ADAMTS18: variants seen among roughly 807,000 people sequenced by gnomAD.
ADAMTS18 encodes the protein ADAM metallopeptidase with thrombospondin type 1 motif 18.
Under a neutral mutation model 165.9 loss-of-function variants are expected in ADAMTS18, and 157 were observed. That is an observed-to-expected ratio of 0.95 (90% CI 0.83 to 1.08). The LOEUF (loss-of-function observed/expected upper bound fraction) is 1.08. Ranked by LOEUF, ADAMTS18 falls within the 50% of genes least tolerant of loss-of-function variation. The pLI, the probability that ADAMTS18 is intolerant of heterozygous loss-of-function variation, is 0.00. For synonymous variants in ADAMTS18, 782 were observed against 578.2 expected (o/e 1.35, Z -5.06); for missense variants, 2,040 against 1,534.0 (o/e 1.33, Z -5.51).
intron 14 of ADAMTS18, 125 bp downstream of exon 14, chr16:77,322,211 C>T (rs935563279): frequency 1.0e-6 from 1 of 956,764 alleles, no homozygotes; most frequent in Non-Finnish European, 1.6e-6. Context: ...AAACACTTTG[C>T]TCTTTCGCTC....
At chr16:77,417,328 G>C (rs2057543456) in intron 3 of ADAMTS18, among the ~76,000 whole-genome samples, 2 of 152,024 alleles carry the variant, frequency 1.3e-5, no homozygotes, top group African/African-American at 2.4e-5. Context: ...ATGGAAGAAG[G>C]CATAGAGGGA....
intron 3 of ADAMTS18, among the ~76,000 whole-genome samples, chr16:77,372,348 C>G (rs1324789611): frequency 6.6e-6 from 1 of 152,114 alleles, no homozygotes; most frequent in Non-Finnish European, 1.5e-5. Flanking sequence ...TCACAATAGC[C>G]AAGACACAGA....
At chr16:77,355,724 G>T (rs1259423291) in intron 9 of ADAMTS18, among the ~76,000 whole-genome samples, 1 of 152,158 alleles carries the variant, frequency 6.6e-6, no homozygotes, top group Non-Finnish European at 1.5e-5. Flanking sequence ...AGGATTGAAG[G>T]AGGAAATATG....
Position 77,429,599 on chromosome 16 carries a change from A to G in ADAMTS18, c.495+1696T>C, listed in dbSNP as rs2057714505. 2.0e-5 allele frequency among the ~76,000 whole-genome samples: 3 copies of G among 152,204 alleles called. No individual in the cohort carries two copies. In the South Asian group the frequency reaches 6.2e-4, roughly 32 times the overall value. Reference sequence around the variant, plus strand: ...CTGAACCTAAAAGTTTTAAAAAAAAATGGATAAAAACATCATGAAATCTTC... The same window carrying G: ...CTGAACCTAAAAGTTTTAAAAAAAAGTGGATAAAAACATCATGAAATCTTC... On this transcript the variant is annotated intron_variant, in intron 3 of 22. Transcript: ENST00000282849.
chr16:77,393,495 G>C (rs1233260121), intron 3 of ADAMTS18, among the ~76,000 whole-genome samples: 1 of 152,164 alleles, frequency 6.6e-6, no homozygotes, highest in Non-Finnish European at 1.5e-5. Context: ...CAATCACCAA[G>C]ATGATGGTCT....
Position 77,289,266 on chromosome 16 carries a change from C to T in ADAMTS18, c.3548G>A (p.Arg1183Lys), listed in dbSNP as rs547649507. 1.2e-6 allele frequency: 2 copies of T among 1,614,042 alleles called. No individual in the cohort carries two copies. Among genetic ancestry groups the T allele is most frequent in the Non-Finnish European group, 1.7e-6 (2 of 1,180,004 alleles). ...ACTGGAGCATGGTGCCTTTTTACCTCTCTTTTCAGGAGCTGGACAGAAGTT... is the reference window on the plus strand; with the variant it reads ...ACTGGAGCATGGTGCCTTTTTACCTTTCTTTTCAGGAGCTGGACAGAAGTT... Reference protein sequence around the residue: ...NTNFCPAPEKREDPSCVDFFN... With the variant: ...NTNFCPAPEKKEDPSCVDFFN... The change falls in exon 22 of 23, where the codon AGA (arginine) becomes AAA (lysine). Residue 1183 changes from arginine (R) to lysine (K), a missense_variant and splice_region_variant. By Grantham distance (26) the Arg-to-Lys change is conservative. Transcript: ENST00000282849.
chr16:77,329,454 G>T (rs893334065), intron 12 of ADAMTS18, among the ~76,000 whole-genome samples: 3 of 152,226 alleles, frequency 2.0e-5, no homozygotes, highest in African/African-American at 7.2e-5. Context: ...TTAAATTTAG[G>T]TGATCTTATT....
intron 3 of ADAMTS18, among the ~76,000 whole-genome samples, chr16:77,368,442 T>C (rs1344251777): frequency 1.3e-5 from 2 of 151,328 alleles, no homozygotes; most frequent in Non-Finnish European, 3.0e-5. Context: ...TTTTTCTTTT[T>C]TTTTTTTTTT....
chr16:77,388,262 G>A (rs1205947106), intron 3 of ADAMTS18, among the ~76,000 whole-genome samples: 1 of 152,124 alleles, frequency 6.6e-6, no homozygotes, highest in East Asian at 1.9e-4. Context: ...ACTGTGCCCA[G>A]CTAATTTTTG....
chr16:77,428,558 T>G (rs2057701521), intron 3 of ADAMTS18, among the ~76,000 whole-genome samples: 1 of 152,162 alleles, frequency 6.6e-6, no homozygotes, highest in African/African-American at 2.4e-5. Flanking sequence ...CAACTGGAAC[T>G]CTCATACACT....
chr16:77,354,688 C>G (rs2056602941), intron 9 of ADAMTS18, among the ~76,000 whole-genome samples: 2 of 152,142 alleles, frequency 1.3e-5, no homozygotes, highest in Admixed American at 1.3e-4. Flanking sequence ...CAATGACTCT[C>G]ATAAAGGTTG....
chr16:77,290,213 A>G (rs549420284), intron 21 of ADAMTS18, among the ~76,000 whole-genome samples: 2 of 152,310 alleles, frequency 1.3e-5, no homozygotes, highest in East Asian at 3.9e-4. Context: ...GGGAAGATAG[A>G]TAGTAAATAT....
chr16:77,283,909 T>C lies in ADAMTS18; in HGVS notation c.*47A>G, dbSNP rs544101147. 1.4e-6 allele frequency: 2 copies of C among 1,452,994 alleles called. No homozygotes were observed. The highest frequency in any genetic ancestry group is 1.4e-5 in the African/African-American group (1 of 71,594). 90.0% of individuals were successfully genotyped at this position (1,452,994 alleles called of 1,614,324 possible). ...CAAAGGCAGCTGGTCTCTCTAGAGG[T>C]TGAAAGGTAAGCCCCTGGCCCTAAG... On this transcript the variant is annotated 3_prime_UTR_variant, in exon 23 of 23. Transcript: ENST00000282849.
intron 3 of ADAMTS18, among the ~76,000 whole-genome samples, chr16:77,392,922 A>C (rs1234209504): frequency 6.6e-6 from 1 of 152,190 alleles, no homozygotes; most frequent in Non-Finnish European, 1.5e-5. Context: ...GTGGGCTGGC[A>C]GAGGGAACTT....
chr16:77,411,573 G>C (rs1470504800), intron 3 of ADAMTS18, among the ~76,000 whole-genome samples: 1 of 151,818 alleles, frequency 6.6e-6, no homozygotes, highest in Non-Finnish European at 1.5e-5. Context: ...CACAATTGGA[G>C]TGTGTTATGA....
At position 77,335,908 on chromosome 16, in the gene ADAMTS18, T is replaced by G. The variant is rs764445082; in HGVS notation, c.1711-4A>C. The stretch of plus-strand genomic sequence containing the variant: ...CGCACTGGCCTTGCCGACACCACTG[T>G]GAAAAGAACGTGTAAGATGGTTCCC... On this transcript the variant is annotated splice_region_variant and splice_polypyrimidine_tract_variant and intron_variant, in intron 11 of 22. Transcript: ENST00000282849. 1.9e-6 allele frequency: 3 copies of G among 1,614,114 alleles called. No individual in the cohort carries two copies. The highest frequency in any genetic ancestry group is 2.5e-6 in the Non-Finnish European group (3 of 1,180,014).
Position 77,434,820 on chromosome 16 carries a change from G to T in ADAMTS18, c.-125C>A. 1 of 770,824 alleles carries T rather than the reference G, an allele frequency of 1.3e-6. No individual in the cohort carries two copies. Among genetic ancestry groups the T allele is most frequent in the South Asian group, 3.7e-5 (1 of 26,984 alleles). The allele number at this position is 770,824 out of a possible 1,614,324, so 47.7% of individuals were successfully genotyped here. A position where few individuals can be genotyped will look rare whatever the true frequency, so the allele number is the denominator to read the frequency against. ...GGTGCGGCTCCAGGTGAGAGCCGCC[G>T]CCGTTCACATCGCAGCGGGGGCGCG... On this transcript the variant is annotated 5_prime_UTR_variant, in exon 1 of 23. Transcript: ENST00000282849.
At chr16:77,292,924 A>C (rs996181852) in intron 20 of ADAMTS18, 152 bp downstream of exon 20, 1 of 835,372 alleles carries the variant, frequency 1.2e-6, no homozygotes, top group Non-Finnish European at 1.9e-6. Flanking sequence ...GGTTCACGCC[A>C]TGCTCCTGCC....
intron 3 of ADAMTS18, among the ~76,000 whole-genome samples, chr16:77,413,840 G>A (rs934504101): frequency 7.0e-6 from 1 of 141,886 alleles, no homozygotes; most frequent in Admixed American, 7.1e-5. Context: ...AATTAAACTA[G>A]CAAGTTTTAA....
Sources: allele counts gnomAD v4.1 joint callset (sites outside exome capture counted in the v4.1 genomes callset), GRCh38; gene constraint gnomAD v4.1.1; transcripts MANE v1.5; gene names NCBI Gene and HGNC (gene_info 2026-07-23, HGNC 2026-07-21).